Variants in PDGFC observed in about 807,000 individuals in gnomAD.
PDGFC encodes platelet-derived growth factor C.
Under a neutral mutation model 35.5 loss-of-function variants are expected in PDGFC, and 12 were observed. The ratio of observed to expected loss-of-function variants is 0.34; its 90% CI spans 0.22 to 0.55. The LOEUF is 0.55. Among genes scored for constraint, PDGFC ranks in the 20% least tolerant of loss-of-function variants. The pLI is 0.91. For synonymous variants in PDGFC, 159 were observed against 148.8 expected, an observed-to-expected ratio of 1.07 and a Z score of -0.50; for missense variants, 322 against 412.4, an observed-to-expected ratio of 0.78 and a Z score of 1.90.
Position 156,874,870 on chromosome 4 carries a change from T to A in PDGFC, c.119-24454A>T, listed in dbSNP as rs76256249. ...TAGCTAGGACTACAGGTTCACCTCATGATGCCCAGCTAATTTTTGTATTTT... is the reference window on the plus strand; with the variant it reads ...TAGCTAGGACTACAGGTTCACCTCAAGATGCCCAGCTAATTTTTGTATTTT... On this transcript the variant is annotated intron_variant, in intron 1 of 5. Coordinates refer to ENST00000502773, the MANE Select transcript of PDGFC (RefSeq NM_016205.3). Among the ~76,000 whole-genome samples, 86 of 151,980 alleles carry A rather than the reference T, an allele frequency of 5.7e-4. 2 individuals carry two copies. The East Asian group carries it at 0.015, about 26-fold the overall frequency.
At chr4:156,970,732 A>C in intron 1 of PDGFC, 54 bp downstream of exon 1, 1 of 1,120,006 alleles carries the variant, frequency 8.9e-7, no homozygotes, top group South Asian at 1.2e-5. Context: ...CACAATGCCA[A>C]CGTTAACACA....
At chr4:156,788,721 A>G (rs1340184737) in intron 3 of PDGFC, among the ~76,000 whole-genome samples, 1 of 152,232 alleles carries the variant, frequency 6.6e-6, no homozygotes, top group African/African-American at 2.4e-5. Flanking sequence ...GTTAATATGA[A>G]TGCTCATGCA....
chr4:156,815,367 C>CA (rs1491095657), intron 2 of PDGFC, among the ~76,000 whole-genome samples: 3 of 146,346 alleles, frequency 2.0e-5, no homozygotes, highest in East Asian at 4.0e-4. Context: ...CACACACACA[C>CA]CCCGTTGTCA....
intron 1 of PDGFC, among the ~76,000 whole-genome samples, chr4:156,898,068 A>G (rs1730679087): frequency 6.6e-6 from 1 of 152,140 alleles, no homozygotes; most frequent in South Asian, 2.1e-4. Flanking sequence ...CCCCAATGTG[A>G]TGGCATTTGG....
chr4:156,843,951 C>T (rs928446878), intron 2 of PDGFC, among the ~76,000 whole-genome samples: 2 of 152,156 alleles, frequency 1.3e-5, no homozygotes, highest in Non-Finnish European at 2.9e-5. Flanking sequence ...TACTACTGAA[C>T]TCCTGTCCTC....
chr4:156,764,764 T>A (rs1434130448), intron 5 of PDGFC, among the ~76,000 whole-genome samples: 1 of 152,202 alleles, frequency 6.6e-6, no homozygotes, highest in South Asian at 2.1e-4. Flanking sequence ...TTTTGAAAAA[T>A]TTAGTGTGTC....
At chr4:156,825,583 A>G (rs1174370103) in intron 2 of PDGFC, among the ~76,000 whole-genome samples, 1 of 115,934 alleles carries the variant, frequency 8.6e-6, no homozygotes, top group Non-Finnish European at 1.7e-5. Flanking sequence ...AATAATAATA[A>G]TAATAATAAT....
intron 1 of PDGFC, among the ~76,000 whole-genome samples, chr4:156,855,172 A>G (rs1272598347): frequency 1.3e-5 from 2 of 152,158 alleles, no homozygotes; most frequent in Non-Finnish European, 2.9e-5. Context: ...AAGCAATTCT[A>G]TAATGTTTAC....
rs543498661 is a variant in PDGFC, at chr4:156,869,583, G to A, written c.119-19167C>T. Among the ~76,000 whole-genome samples the A allele has an allele frequency of 1.4e-4, 22 of 152,104 alleles. No individual in the cohort carries two copies. The South Asian group carries it at 2.9e-3, about 20-fold the overall frequency. On this transcript the variant is annotated intron_variant, in intron 1 of 5. Coordinates refer to ENST00000502773, the MANE Select transcript of PDGFC (RefSeq NM_016205.3). ...AACCTCAGTTTTCCAGCCCTTCAAC[G>A]CAAGAGTTTTGTAATTTTTAATCAA...
intron 3 of PDGFC, among the ~76,000 whole-genome samples, chr4:156,800,118 T>C (rs1259806164): frequency 6.6e-6 from 1 of 152,160 alleles, no homozygotes; most frequent in Non-Finnish European, 1.5e-5. Flanking sequence ...TCTATATATG[T>C]TGAGTTTTAA....
chr4:156,925,736 T>A (rs1171488391), intron 1 of PDGFC, among the ~76,000 whole-genome samples: 3 of 136,500 alleles, frequency 2.2e-5, no homozygotes, highest in Non-Finnish European at 4.9e-5. Flanking sequence ...AGAGGCAGTA[T>A]TATTCTAAAA....
intron 1 of PDGFC, among the ~76,000 whole-genome samples, chr4:156,960,473 G>A (rs1732317239): frequency 1.3e-5 from 2 of 150,718 alleles, no homozygotes; most frequent in Admixed American, 6.6e-5. Context: ...GTGTGTGTGT[G>A]TATATCTATA....
At chr4:156,808,450 T>C (rs2110936949) in intron 3 of PDGFC, among the ~76,000 whole-genome samples, 1 of 152,056 alleles carries the variant, frequency 6.6e-6, no homozygotes, top group East Asian at 1.9e-4. Context: ...TGTGCTGACA[T>C]GAAGTTCATC....
chr4:156,788,278 C>A (rs1462174427), intron 3 of PDGFC, among the ~76,000 whole-genome samples: 1 of 152,036 alleles, frequency 6.6e-6, no homozygotes, highest in African/African-American at 2.4e-5. Context: ...AGGAAGAATG[C>A]CTAGGTGTCC....
chr4:156,960,003 G>T (rs778971233), intron 1 of PDGFC, among the ~76,000 whole-genome samples: 1 of 151,556 alleles, frequency 6.6e-6, no homozygotes, highest in Non-Finnish European at 1.5e-5. Flanking sequence ...TTTTTTCTTC[G>T]TTATCATGGC....
intron 1 of PDGFC, among the ~76,000 whole-genome samples, chr4:156,923,032 A>G (rs1015016742): frequency 1.6e-4 from 25 of 152,200 alleles, no homozygotes; most frequent in African/African-American, 4.8e-4. Flanking sequence ...CACAAAAGCC[A>G]GATTATATTT....
intron 1 of PDGFC, among the ~76,000 whole-genome samples, chr4:156,914,664 G>A (rs1177068667): frequency 2.6e-5 from 4 of 152,128 alleles, no homozygotes; most frequent in Admixed American, 6.6e-5. Context: ...ATGTTCAAAC[G>A]TGGTTAAGTA....
intron 1 of PDGFC, among the ~76,000 whole-genome samples, chr4:156,920,949 A>G (rs982941568): frequency 3.3e-5 from 5 of 152,292 alleles, no homozygotes; most frequent in Admixed American, 2.6e-4. Flanking sequence ...AAAATTTGTA[A>G]CTCTGAGGAG....
intron 1 of PDGFC, among the ~76,000 whole-genome samples, chr4:156,885,010 CCTTTAGCTT>C (rs1377202847): frequency 6.6e-6 from 1 of 151,986 alleles, no homozygotes; most frequent in Non-Finnish European, 1.5e-5. Flanking sequence ...CTACTTTTGC[CCTTTAGCTT>C]CTTTTACTTG....
Sources: allele counts gnomAD v4.1 joint callset (sites outside exome capture counted in the v4.1 genomes callset), GRCh38; gene constraint gnomAD v4.1.1; transcripts MANE v1.5; gene names NCBI Gene and HGNC (gene_info 2026-07-23, HGNC 2026-07-21).